Variants in OPCML observed in about 807,000 individuals in gnomAD.
OPCML encodes opioid-binding protein/cell adhesion molecule.
Under a neutral mutation model 37.8 loss-of-function variants are expected in OPCML, and 13 were observed. The observed-to-expected ratio is 0.34, with a 90% CI of 0.22 to 0.55. OPCML has a LOEUF of 0.55. Ranked by LOEUF, OPCML falls within the 20% of genes least tolerant of loss-of-function variation. OPCML has a pLI of 0.91. For missense variants in OPCML, 341 were observed against 435.6 expected, an observed-to-expected ratio of 0.78 and a Z score of 1.93; for synonymous variants, 176 against 168.8, an observed-to-expected ratio of 1.04 and a Z score of -0.33.
At chr11:133,496,938 T>C (rs2120497861) in intron 1 of OPCML, among the ~76,000 whole-genome samples, 1 of 152,322 alleles carries the variant, frequency 6.6e-6, no homozygotes, top group Middle Eastern at 3.4e-3. Flanking sequence ...CAGTACTATA[T>C]TGAAGAGGAG....
chr11:132,665,720 C>T (rs1454093940), intron 2 of OPCML, among the ~76,000 whole-genome samples: 1 of 152,152 alleles, frequency 6.6e-6, no homozygotes, highest in Non-Finnish European at 1.5e-5. Flanking sequence ...TTCCCAGGCT[C>T]CAAGTCACTC....
chr11:133,313,372 C>T (rs1270704642), intron 1 of OPCML, among the ~76,000 whole-genome samples: 3 of 152,226 alleles, frequency 2.0e-5, no homozygotes, highest in Non-Finnish European at 4.4e-5. Flanking sequence ...AGATTCCACT[C>T]AACATCACTT....
intron 1 of OPCML, among the ~76,000 whole-genome samples, chr11:133,148,240 G>T (rs1447796142): frequency 6.6e-6 from 1 of 152,140 alleles, no homozygotes; most frequent in Non-Finnish European, 1.5e-5. Context: ...TGTGGCCCAG[G>T]TACTGTGAGG....
chr11:133,416,753 T>A (rs898519986), intron 1 of OPCML, among the ~76,000 whole-genome samples: 1 of 152,164 alleles, frequency 6.6e-6, no homozygotes, highest in Non-Finnish European at 1.5e-5. Flanking sequence ...CCTAAAACCC[T>A]TGGATTATCC....
rs912259735 is a variant in OPCML at position 133,343,934 on chromosome 11, C to T, written c.61+188330G>A. On this transcript the variant is annotated intron_variant, in intron 1 of 7. Transcript: ENST00000524381. ...TAAATGCAAAGGCTGAAGTCTCCTC[C>T]GCAAAGTCCCTGCAGTTTTCTCAGT... 1.2e-4 allele frequency among the ~76,000 whole-genome samples: 19 copies of T among 152,314 alleles called. No individual in the cohort carries two copies. The East Asian group carries it at 1.3e-3, about 11-fold the overall frequency.
At chr11:132,450,898 G>A (rs2096066836) in intron 4 of OPCML, among the ~76,000 whole-genome samples, 2 of 152,154 alleles carry the variant, frequency 1.3e-5, no homozygotes, top group South Asian at 2.1e-4. Flanking sequence ...TTTCTAAAAA[G>A]CGTTAGCTCT....
rs12222479 is a variant in OPCML at position 132,426,875 on chromosome 11, C to A, written c.917-6582G>T. Among the ~76,000 whole-genome samples, 70 of 152,282 alleles carry A rather than the reference C, an allele frequency of 4.6e-4. No individual in the cohort carries two copies. The East Asian group carries it at 5.0e-3, about 11-fold the overall frequency. On this transcript the variant is annotated intron_variant, in intron 7 of 7. Coordinates refer to ENST00000524381, the MANE Select transcript of OPCML (RefSeq NM_001012393.5). ...GCTGCATTCAGGGGTGGCTCACCAC[C>A]CTCTTGAGTGGCAGGTGTTGACAAT...
intron 3 of OPCML, among the ~76,000 whole-genome samples, chr11:132,534,140 AT>A (rs377475506): frequency 0.013 from 1,940 of 151,336 alleles, 41 homozygotes; most frequent in African/African-American, 0.039. Context: ...CACATGTGTA[AT>A]TTTTTTTTCT....
intron 1 of OPCML, among the ~76,000 whole-genome samples, chr11:133,169,319 G>A (rs748085343): frequency 3.6e-4 from 55 of 152,044 alleles, no homozygotes; most frequent in Non-Finnish European, 4.0e-4. Context: ...TGTCATATTA[G>A]CTCACAAAAA....
chr11:133,316,822 A>G (rs1352051810), intron 1 of OPCML, among the ~76,000 whole-genome samples: 1 of 152,248 alleles, frequency 6.6e-6, no homozygotes, highest in Non-Finnish European at 1.5e-5. Context: ...TTCATCGCTA[A>G]GCCCCACGTA....
intron 1 of OPCML, chr11:133,003,742 G>A: frequency 1.0e-6 from 1 of 985,368 alleles, no homozygotes; most frequent in Non-Finnish European, 1.2e-6. Context: ...ACTTCCTGGA[G>A]GCCATGGAAT....
chr11:132,843,791 A>G (rs1941402398), intron 2 of OPCML, among the ~76,000 whole-genome samples: 1 of 152,230 alleles, frequency 6.6e-6, no homozygotes, highest in South Asian at 2.1e-4. Context: ...ACCTGACCAC[A>G]TCTTTGTAGA....
chr11:133,067,363 A>G (rs1948457039), intron 1 of OPCML: 1 of 152,196 alleles, frequency 6.6e-6, no homozygotes, highest in South Asian at 2.1e-4. Context: ...TTCAATATGA[A>G]AGCAGCCACT....
chr11:133,182,675 C>T (rs750878543), intron 1 of OPCML, among the ~76,000 whole-genome samples: 8 of 152,096 alleles, frequency 5.3e-5, no homozygotes, highest in African/African-American at 1.2e-4. Flanking sequence ...AGAGCCAGAG[C>T]GGAGATGCCA....
At chr11:133,342,123 C>T (rs917018689) in intron 1 of OPCML, among the ~76,000 whole-genome samples, 2 of 152,098 alleles carry the variant, frequency 1.3e-5, no homozygotes, top group East Asian at 3.9e-4. Flanking sequence ...TGATATCTCC[C>T]GGCTAGGCAT....
chr11:133,525,078 C>T (rs1167531936), intron 1 of OPCML, among the ~76,000 whole-genome samples: 1 of 152,134 alleles, frequency 6.6e-6, no homozygotes, highest in Non-Finnish European at 1.5e-5. Context: ...AAACAATGGT[C>T]TAGGGAGGAA....
intron 1 of OPCML, among the ~76,000 whole-genome samples, chr11:133,496,812 G>T (rs750798103): frequency 3.3e-5 from 5 of 152,158 alleles, no homozygotes; most frequent in Admixed American, 6.5e-5. Context: ...GGAGTCCTTA[G>T]GGTTTTCAAG....
rs148271854 is a variant in OPCML, at chr11:133,059,807, T to G, written c.62-116797A>C. ...GATGGACGATGTGTTATTATTAGAC[T>G]TGGGTACTTGGCAGCCATTTTCTCA... is the stretch of plus-strand genomic sequence containing the variant. On this transcript the variant is annotated intron_variant, in intron 1 of 7. Coordinates refer to ENST00000524381, the MANE Select transcript of OPCML (RefSeq NM_001012393.5). 3.7e-3 allele frequency among the ~76,000 whole-genome samples: 571 copies of G among 152,338 alleles called. 2 individuals carry two copies. Among genetic ancestry groups the G allele is most frequent in the Non-Finnish European group, 5.6e-3 (383 of 68,018 alleles).
intron 3 of OPCML, among the ~76,000 whole-genome samples, chr11:132,564,990 C>A (rs2096419062): frequency 6.6e-6 from 1 of 152,160 alleles, no homozygotes; most frequent in South Asian, 2.1e-4. Flanking sequence ...GCAAATCTCA[C>A]CTTGTTATGT....
Sources: gnomAD v4.1 joint callset for allele counts (sites outside exome capture counted in the v4.1 genomes callset) on GRCh38, gnomAD v4.1.1 for gene constraint, MANE v1.5 for transcripts, NCBI Gene and HGNC (gene_info 2026-07-23, HGNC 2026-07-21) for gene names.